DEFA4: variants seen among roughly 807,000 people sequenced by gnomAD.
DEFA4 encodes corticostatin.
In DEFA4, 8 loss-of-function variants were observed where a neutral mutation model predicts 4.4. The ratio of observed to expected loss-of-function variants is 1.82; its 90% CI spans 1.07 to 3.29. The LOEUF (loss-of-function observed/expected upper bound fraction) is 3.29, where lower values mean the gene tolerates loss of function less well. Among genes scored for constraint, DEFA4 ranks in the 30% most tolerant of loss-of-function variants. The pLI is 0.00. For synonymous variants in DEFA4, 77 were observed against 46.5 expected, an observed-to-expected ratio of 1.66 and a Z score of -2.67; for missense variants, 216 against 127.0, an observed-to-expected ratio of 1.70 and a Z score of -3.37.
Position 6,936,032 on chromosome 8 carries a change from C to G in DEFA4, c.282G>C (p.Thr94=), listed in dbSNP as rs146362624. The G allele has an allele frequency of 9.3e-6, 15 of 1,613,738 alleles. 1 individual carries two copies. Among genetic ancestry groups the G allele is most frequent in the Admixed American group, 5.0e-5 (3 of 59,992 alleles). Residue 94 remains threonine, a synonymous_variant, in exon 3 of 3, where the codon ACG becomes ACC. Transcript: ENST00000297435. ...IGGVSFTYCC[T]RVD ...GGACAGCAGAACGTTAATCGACACGCGTGCAGCAGTATGTGAAACTCACAC... is the reference window on the plus strand; with the variant it reads ...GGACAGCAGAACGTTAATCGACACGGGTGCAGCAGTATGTGAAACTCACAC...
intron 2 of DEFA4, 49 bp downstream of exon 2, chr8:6,936,679 C>T: frequency 1.3e-6 from 2 of 1,490,938 alleles, no homozygotes; most frequent in Non-Finnish European, 1.8e-6. Flanking sequence ...AGCCCATCTC[C>T]CATCCGTCTC....
At chr8:6,937,846 G>A (rs544369490) in intron 1 of DEFA4, among the ~76,000 whole-genome samples, 22 of 152,262 alleles carry the variant, frequency 1.4e-4, no homozygotes, top group African/African-American at 4.3e-4. Flanking sequence ...CAAAGCCTAC[G>A]TGGTAGAAGG....
At chr8:6,938,077 A>T (rs1808936850) in intron 1 of DEFA4, 149 bp downstream of exon 1, 1 of 152,202 alleles carries the variant, frequency 6.6e-6, no homozygotes, top group Non-Finnish European at 1.5e-5. Context: ...CATTACCCCC[A>T]GCAGCCGCCA....
rs778008523 is a variant in DEFA4 at position 6,936,922 on chromosome 8, G to C, written c.-12-11C>G. The C allele has an allele frequency of 1.3e-6, 2 of 1,558,976 alleles. No homozygotes were observed. Among genetic ancestry groups the C allele is most frequent in the African/African-American group, 2.7e-5 (2 of 73,538 alleles). On this transcript the variant is annotated splice_polypyrimidine_tract_variant and intron_variant, in intron 1 of 2. Coordinates refer to ENST00000297435, the MANE Select transcript of DEFA4 (RefSeq NM_001925.3). ...CATGGCTGGGGTGACCTGGAGGAGG[G>C]AGAGCAGGAGCAGCTGTGTGGGGAG... is the stretch of plus-strand genomic sequence containing the variant.
chr8:6,936,213 A>C, intron 2 of DEFA4, 72 bp from the exon 3 acceptor site: 1 of 1,592,150 alleles, frequency 6.3e-7, no homozygotes, highest in Non-Finnish European at 8.6e-7. Flanking sequence ...AATCTTGGAG[A>C]AGTCACATGC....
intron 1 of DEFA4, among the ~76,000 whole-genome samples, chr8:6,937,623 C>A (rs1377372525): frequency 6.6e-6 from 1 of 152,124 alleles, no homozygotes; most frequent in African/African-American, 2.4e-5. Context: ...TTGAAAAGAC[C>A]TGAAACCATA....
intron 2 of DEFA4, 47 bp from the exon 3 acceptor site, chr8:6,936,188 G>A (rs781058831): frequency 6.2e-7 from 1 of 1,607,366 alleles, no homozygotes. Context: ...AAGGTCAGCG[G>A]TGGGTGGTAA....
chr8:6,936,257 G>A (rs752331327), intron 2 of DEFA4, 116 bp from the exon 3 acceptor site: 19 of 1,360,174 alleles, frequency 1.4e-5, no homozygotes, highest in East Asian at 2.4e-5. Context: ...CATTAGTGCC[G>A]GTAGCACAAA....
At chr8:6,937,782 A>G (rs1402333214) in intron 1 of DEFA4, among the ~76,000 whole-genome samples, 1 of 152,198 alleles carries the variant, frequency 6.6e-6, no homozygotes, top group Non-Finnish European at 1.5e-5. Context: ...TTCATAGCAA[A>G]GGAAACAATC....
chr8:6,936,823 C>G lies in DEFA4; in HGVS notation c.77G>C (p.Gly26Ala), dbSNP rs746403661. Residue 26 changes from glycine to alanine, a missense_variant, in exon 2 of 3, where the codon GGT becomes GCT. By Grantham distance (60) the Gly-to-Ala change is moderately conservative. Transcript: ENST00000297435. ...CTGCTCCTGGCCTGGAGCCTCATCA[C>G]CTCTTGCCTGGAGTGGGCCTGCCCG... ...QVRAGPLQAR[G>A]DEAPGQEQRG... 1 of 1,613,608 alleles carries G rather than the reference C, an allele frequency of 6.2e-7. No individual in the cohort carries two copies. Among genetic ancestry groups the G allele is most frequent in the Non-Finnish European group, 8.5e-7 (1 of 1,179,848 alleles).
At chr8:6,936,571 G>A (rs987482284) in intron 2 of DEFA4, among the ~76,000 whole-genome samples, 157 bp downstream of exon 2, 1 of 152,118 alleles carries the variant, frequency 6.6e-6, no homozygotes, top group African/African-American at 2.4e-5. Flanking sequence ...ACTTACATTT[G>A]TTTGTCTCTC....
intron 1 of DEFA4, among the ~76,000 whole-genome samples, chr8:6,937,675 G>A (rs1808915636): frequency 6.6e-6 from 1 of 152,152 alleles, no homozygotes. Flanking sequence ...TTTGGACATT[G>A]ACGTGAGTAA....
intron 1 of DEFA4, among the ~76,000 whole-genome samples, chr8:6,937,267 TAA>T (rs2117339381): frequency 6.6e-6 from 1 of 152,290 alleles, no homozygotes; most frequent in African/African-American, 2.4e-5. Context: ...TTCAATAATT[TAA>T]GAGAGCAAAT....
intron 1 of DEFA4, among the ~76,000 whole-genome samples, 158 bp downstream of exon 1, chr8:6,938,068 A>T (rs958114479): frequency 6.6e-6 from 1 of 152,178 alleles, no homozygotes; most frequent in Non-Finnish European, 1.5e-5. Flanking sequence ...GCTAGTAGCC[A>T]TTACCCCCAG....
In DEFA4 at chr8:6,935,919, C is replaced by A. The variant is rs1808825299; in HGVS notation, c.*101G>T. The A allele has an allele frequency of 2.0e-5, 31 of 1,551,792 alleles. No homozygotes were observed. Among genetic ancestry groups the A allele is most frequent in the Non-Finnish European group, 2.7e-5 (30 of 1,129,446 alleles). ...TGTAGCTCTCAAAGCAAATTATGAG[C>A]TCATTTTTCTCTATTCTGCAAGCTC... On this transcript the variant is annotated 3_prime_UTR_variant, in exon 3 of 3. Transcript: ENST00000297435.
chr8:6,936,999 G>C, intron 1 of DEFA4, 88 bp from the exon 2 acceptor site: 1 of 1,226,908 alleles, frequency 8.2e-7, no homozygotes, highest in Non-Finnish European at 1.1e-6. Context: ...ACAGAGATAA[G>C]AAACCTTTGG....
In DEFA4 at chr8:6,936,780, C is replaced by T. The variant is rs775810623; in HGVS notation, c.120G>A (p.Gln40=). The T allele has an allele frequency of 3.1e-6, 5 of 1,613,552 alleles. No individual in the cohort carries two copies. The highest frequency in any genetic ancestry group is 3.4e-6 in the Non-Finnish European group (4 of 1,179,828). ...PGQEQRGPED[Q]DISISFAWDK... ...CCCATGCAAAGGAAATAGATATGTCCTGGTCTTCTGGCCCACGCTGCTCCT... is the reference window on the plus strand; with the variant it reads ...CCCATGCAAAGGAAATAGATATGTCTTGGTCTTCTGGCCCACGCTGCTCCT... The change falls in exon 2 of 3, where the codon CAG becomes CAA. Residue 40 remains glutamine (Q), a synonymous_variant. Transcript: ENST00000297435.
chr8:6,937,926 C>G lies in DEFA4; in HGVS notation c.-13+300G>C, dbSNP rs552289956. Among the ~76,000 whole-genome samples, 16 of 152,300 alleles carry G rather than the reference C, an allele frequency of 1.1e-4. 2 individuals are homozygous for G. In the South Asian group the frequency reaches 3.1e-3, roughly 30 times the overall value. On this transcript the variant is annotated intron_variant, in intron 1 of 2. Coordinates refer to ENST00000297435, the MANE Select transcript of DEFA4 (RefSeq NM_001925.3). The stretch of plus-strand genomic sequence containing the variant: ...AAAAACAAACAACCTGATTGAAAAA[C>G]AGACCTAGGACCTGCAGAGGCTTCT...
chr8:6,937,956 C>A (rs901314564), intron 1 of DEFA4, among the ~76,000 whole-genome samples: 1 of 152,178 alleles, frequency 6.6e-6, no homozygotes, highest in Admixed American at 6.5e-5. Flanking sequence ...GCTTCTCTCA[C>A]AATAAAATAA....
Sources: allele counts gnomAD v4.1 joint callset (sites outside exome capture counted in the v4.1 genomes callset), GRCh38; gene constraint gnomAD v4.1.1; transcripts MANE v1.5; gene names NCBI Gene and HGNC (gene_info 2026-07-23, HGNC 2026-07-21).